The following PDXDC1 variants were observed in gnomAD, a reference collection of about 807,000 sequenced individuals.
PDXDC1 encodes the protein pyridoxal dependent decarboxylase domain containing 1, also known as pyridoxal-dependent decarboxylase domain-containing protein 1.
In PDXDC1, 42 loss-of-function variants were observed where a neutral mutation model predicts 100.1. That is an observed-to-expected ratio of 0.42 (90% CI 0.33 to 0.54). The LOEUF (loss-of-function observed/expected upper bound fraction) is 0.54. Among genes scored for constraint, PDXDC1 ranks in the 20% least tolerant of loss-of-function variants. The pLI is 0.10. For synonymous variants in PDXDC1, 260 were observed against 371.7 expected (o/e 0.70, Z 3.46); for missense variants, 636 against 979.2 (o/e 0.65, Z 4.68).
At chr16:15,024,819 C>T (rs1348549920) in intron 13 of PDXDC1, among the ~76,000 whole-genome samples, 4 of 152,428 alleles carry the variant, frequency 2.6e-5, no homozygotes, top group East Asian at 3.8e-4. Flanking sequence ...CATCTCCCAC[C>T]GTCAGACATC....
chr16:14,977,269 CTTTTTT>C (rs5816116), intron 1 of PDXDC1, among the ~76,000 whole-genome samples: 37 of 95,038 alleles, frequency 3.9e-4, no homozygotes, highest in African/African-American at 1.1e-3. Context: ...ATGGGACTTA[CTTTTTT>C]TTTTTTTTTT....
At chr16:15,132,681 C>G in intron 16 of PDXDC1, 1 of 746,144 alleles carries the variant, frequency 1.3e-6, no homozygotes, top group East Asian at 2.7e-5. Context: ...AGTACCCTGG[C>G]AGGCATGCGG....
downstream of PDXDC1, among the ~76,000 whole-genome samples, chr16:15,140,403 C>T (rs2048450487): frequency 6.8e-6 from 1 of 147,756 alleles, no homozygotes; most frequent in African/African-American, 2.5e-5. Context: ...GAGATCGCGC[C>T]CCTGCACTCC....
chr16:15,131,618 G>A, intron 16 of PDXDC1: 5 of 1,600,670 alleles, frequency 3.1e-6, no homozygotes, highest in Non-Finnish European at 3.4e-6. Flanking sequence ...TTGTAGGCCT[G>A]GGACGCCACC....
downstream of PDXDC1, among the ~76,000 whole-genome samples, chr16:15,042,558 TA>T: frequency 6.6e-6 from 1 of 152,308 alleles, no homozygotes; most frequent in East Asian, 1.9e-4. Flanking sequence ...TTTCATGTGT[TA>T]TTTTTTAGCG....
intron 16 of PDXDC1, among the ~76,000 whole-genome samples, chr16:15,066,393 G>A (rs2044974281): frequency 6.6e-6 from 1 of 152,158 alleles, no homozygotes; most frequent in South Asian, 2.1e-4. Context: ...AGCACTTTGG[G>A]AGGTTGAGGC....
rs538507402 is a variant in PDXDC1, at chr16:15,127,937, G to A, written c.1400-10942G>A. 5 of 1,448,562 alleles carry A rather than the reference G, an allele frequency of 3.5e-6. No homozygotes were observed. The Admixed American group carries it at 7.4e-5, about 21-fold the overall frequency. The allele number at this position is 1,448,562 out of a possible 1,614,324, so 89.7% of individuals were successfully genotyped here. The stretch of plus-strand genomic sequence containing the variant: ...GGGCCGCACTGCAGGAGGCCACGGG[G>A]CAGGACCACCCTGCCCAACCTCCCA... On this transcript the variant is annotated intron_variant, in intron 16 of 16. Coordinates refer to the PDXDC1 transcript ENST00000535621.
chr16:15,061,947 G>A (rs553976184), intron 16 of PDXDC1: 2 of 1,558,676 alleles, frequency 1.3e-6, no homozygotes, highest in Non-Finnish European at 1.8e-6. Context: ...CACCAGTGCT[G>A]ACTGAAAAGC....
rs11419800 is a variant in PDXDC1, at chr16:15,076,980, CT to C, written c.1399+46940del. Among the ~76,000 whole-genome samples the C allele has an allele frequency of 9.5e-4, 136 of 143,872 alleles. 2 individuals are homozygous for C. Among genetic ancestry groups the C allele is most frequent in the Middle Eastern group, 3.6e-3 (1 of 278 alleles). The allele number at this position is 143,872 out of a possible 152,430, so 94.4% of individuals were successfully genotyped here. On this transcript the variant is annotated intron_variant, in intron 16 of 16. Transcript: ENST00000535621. ...TGGCTCTGTGTCCCCACCCAAATCA[CT>C]TTTTTTTTTTTTTTTGAGGCAGAGT...
chr16:15,114,900 A>G, intron 16 of PDXDC1, among the ~76,000 whole-genome samples: 1 of 141,192 alleles, frequency 7.1e-6, no homozygotes, highest in Non-Finnish European at 1.5e-5. Flanking sequence ...AACACTAACA[A>G]TAGCTGATGA....
intron 16 of PDXDC1, among the ~76,000 whole-genome samples, chr16:15,049,437 T>A (rs1481326893): frequency 2.0e-5 from 3 of 151,868 alleles, no homozygotes; most frequent in Non-Finnish European, 1.5e-5. Context: ...TTATCTTATT[T>A]TTTTTTTTTG....
chr16:15,102,358 C>T (rs2046585991), intron 16 of PDXDC1, among the ~76,000 whole-genome samples: 1 of 152,066 alleles, frequency 6.6e-6, no homozygotes, highest in African/African-American at 2.4e-5. Flanking sequence ...GAGGGTGTAG[C>T]CTGGTGAGGC....
chr16:15,084,705 T>G, intron 16 of PDXDC1: 1 of 1,612,098 alleles, frequency 6.2e-7, no homozygotes. Flanking sequence ...TGCAGGAAGA[T>G]CTGAAAGGAG....
downstream of PDXDC1, chr16:15,039,969 T>C (rs557066079): frequency 3.2e-6 from 5 of 1,561,904 alleles, no homozygotes; most frequent in East Asian, 4.5e-5. Context: ...TGAAACTCAC[T>C]GGTCCTCCTG....
In PDXDC1 at chr16:15,102,798, A is replaced by T. The variant is rs2046606357; in HGVS notation, c.1400-36081A>T. ...AGACCCCATATCCACAAAAAATTTAAAAAAGGAGTTTGTGTTCCTGTAGTA... is the reference window on the plus strand; with the variant it reads ...AGACCCCATATCCACAAAAAATTTATAAAAGGAGTTTGTGTTCCTGTAGTA... On this transcript the variant is annotated intron_variant, in intron 16 of 16. Coordinates refer to the PDXDC1 transcript ENST00000535621. Among the ~76,000 whole-genome samples, 3 of 149,102 alleles carry T rather than the reference A, an allele frequency of 2.0e-5. No individual in the cohort carries two copies. In the South Asian group the frequency reaches 6.4e-4, roughly 32 times the overall value.
intron 16 of PDXDC1, among the ~76,000 whole-genome samples, chr16:15,099,535 A>C (rs1444541767): frequency 1.3e-5 from 2 of 151,476 alleles, no homozygotes; most frequent in Non-Finnish European, 1.5e-5. Flanking sequence ...ATTCAGTCAA[A>C]TTGTCCTGTG....
rs913743174 is a variant in PDXDC1 at position 15,001,925 on chromosome 16, C to G, written c.242+69C>G. ...GATTTCAGTAGTGATTGCGCTCTGA[C>G]AAGTTGCTCAAATAAGAAGCTATAT... On this transcript the variant is annotated intron_variant, in intron 4 of 22. Coordinates refer to ENST00000396410, the MANE Select transcript of PDXDC1 (RefSeq NM_015027.4). 6.9e-6 allele frequency: 9 copies of G among 1,308,856 alleles called. No homozygotes were observed. In the Admixed American group the frequency reaches 1.9e-4, roughly 28 times the overall value. The allele number at this position is 1,308,856 out of a possible 1,614,324, so 81.1% of individuals were successfully genotyped here. A position where few individuals can be genotyped will look rare whatever the true frequency, so the allele number is the denominator to read the frequency against.
intron 16 of PDXDC1, among the ~76,000 whole-genome samples, chr16:15,123,040 C>T (rs1038861462): frequency 1.3e-5 from 2 of 150,690 alleles, no homozygotes. Context: ...ACACGCGGGG[C>T]AAGGGAGCGT....
intron 2 of PDXDC1, among the ~76,000 whole-genome samples, chr16:14,998,078 T>C (rs1317088138): frequency 2.0e-4 from 30 of 152,272 alleles, no homozygotes; most frequent in Non-Finnish European, 4.0e-4. Flanking sequence ...GATTTGACTC[T>C]ATAAATACTT....
Sources: gnomAD v4.1 joint callset for allele counts (sites outside exome capture counted in the v4.1 genomes callset) on GRCh38, gnomAD v4.1.1 for gene constraint, MANE v1.5 for transcripts, NCBI Gene and HGNC (gene_info 2026-07-23, HGNC 2026-07-21) for gene names.